NUP98: variants seen among roughly 807,000 people sequenced by gnomAD.
NUP98 encodes nucleoporin 98 and 96 precursor, also known as nuclear pore complex protein Nup98-Nup96.
In NUP98, 26 loss-of-function variants were observed where a neutral mutation model predicts 191.9. The observed-to-expected ratio is 0.14, with a 90% CI of 0.10 to 0.19. The LOEUF (loss-of-function observed/expected upper bound fraction) is 0.19. Ranked by LOEUF, NUP98 falls within the 10% of genes least tolerant of loss-of-function variation. NUP98 has a pLI of 1.00. For missense variants in NUP98, 1,941 were observed against 2,178.8 expected, an observed-to-expected ratio of 0.89 and a Z score of 2.17; for synonymous variants, 808 against 778.4, an observed-to-expected ratio of 1.04 and a Z score of -0.63.
intron 25 of NUP98, among the ~76,000 whole-genome samples, chr11:3,698,207 A>G (rs2078571218): frequency 6.6e-6 from 1 of 152,216 alleles, no homozygotes; most frequent in Non-Finnish European, 1.5e-5. Flanking sequence ...TCACCTTTGA[A>G]AAGTTCACAA....
chr11:3,683,471 C>T lies in NUP98; in HGVS notation c.4677-30G>A, dbSNP rs542618832. 378 of 1,611,262 alleles carry T rather than the reference C, an allele frequency of 2.3e-4. 6 individuals are homozygous for T. In the South Asian group the frequency reaches 4.1e-3, roughly 17 times the overall value. The stretch of plus-strand genomic sequence containing the variant: ...AGGGAGAGATAAGCTAGAATAAATC[C>T]CATCCTCATTCATGGAGAAGGCTGC... On this transcript the variant is annotated intron_variant, in intron 29 of 32. Coordinates refer to ENST00000324932, the MANE Select transcript of NUP98 (RefSeq NM_016320.5).
intron 1 of NUP98, among the ~76,000 whole-genome samples, chr11:3,785,713 C>A (rs771484586): frequency 6.6e-6 from 1 of 152,116 alleles, no homozygotes; most frequent in Non-Finnish European, 1.5e-5. Flanking sequence ...TAGTTGAGAT[C>A]GTGCCACTGC....
At chr11:3,797,251 A>G (rs1034293307) in intron 1 of NUP98, 149 bp downstream of exon 1, 16 of 396,368 alleles carry the variant, frequency 4.0e-5, no homozygotes, top group South Asian at 1.3e-4. Context: ...CCGGGTCCTC[A>G]GCACCGCCCC....
chr11:3,785,569 G>C (rs1378924594), intron 1 of NUP98, among the ~76,000 whole-genome samples: 1 of 152,120 alleles, frequency 6.6e-6, no homozygotes, highest in African/African-American at 2.4e-5. Context: ...GACCAGCTTG[G>C]CCAACATGGC....
At chr11:3,752,501 A>G (rs1360306646) in intron 11 of NUP98, among the ~76,000 whole-genome samples, 1 of 151,726 alleles carries the variant, frequency 6.6e-6, no homozygotes, top group African/African-American at 2.4e-5. Context: ...TGAACGACAG[A>G]GTGAGACTCC....
rs905310232 is a variant in NUP98, at chr11:3,683,447, G to C, written c.4677-6C>G. 6.2e-7 allele frequency: 1 copy of C among 1,613,964 alleles called. No individual in the cohort carries two copies. Among genetic ancestry groups the C allele is most frequent in the East Asian group, 2.2e-5 (1 of 44,868 alleles). On this transcript the variant is annotated splice_polypyrimidine_tract_variant and splice_region_variant and intron_variant, in intron 29 of 32. Coordinates refer to ENST00000324932, the MANE Select transcript of NUP98 (RefSeq NM_016320.5). ...GAACAGCCTTCTCACGTATGCTACA[G>C]GGAGAGATAAGCTAGAATAAATCCC...
chr11:3,679,490 G>T, intron 31 of NUP98, 64 bp downstream of exon 31: 1 of 1,563,948 alleles, frequency 6.4e-7, no homozygotes, highest in Non-Finnish European at 8.8e-7. Context: ...GCCTTGTGAG[G>T]TATCTGAAGA....
At chr11:3,722,545 G>T (rs534835088) in intron 16 of NUP98, among the ~76,000 whole-genome samples, 35 of 151,888 alleles carry the variant, frequency 2.3e-4, no homozygotes, top group Non-Finnish European at 5.0e-4. Context: ...ACCCAAAATG[G>T]GCTGGGCATG....
At chr11:3,767,096 C>T (rs1021675912) in intron 8 of NUP98, among the ~76,000 whole-genome samples, 2 of 152,082 alleles carry the variant, frequency 1.3e-5, no homozygotes, top group African/African-American at 4.8e-5. Context: ...TCCTGCGTAG[C>T]TTGGATTAGT....
At chr11:3,690,788 A>G (rs2078288457) in intron 28 of NUP98, among the ~76,000 whole-genome samples, 1 of 152,188 alleles carries the variant, frequency 6.6e-6, no homozygotes, top group African/African-American at 2.4e-5. Flanking sequence ...AAAAATAAGA[A>G]AACCTAACTG....
chr11:3,738,249 A>C (rs569134556), intron 12 of NUP98, among the ~76,000 whole-genome samples: 2 of 152,342 alleles, frequency 1.3e-5, no homozygotes, highest in East Asian at 3.9e-4. Flanking sequence ...TAGCAAAAAC[A>C]AGAAAACAAA....
At chr11:3,764,157 G>C (rs979362866) in intron 8 of NUP98, among the ~76,000 whole-genome samples, 4 of 149,610 alleles carry the variant, frequency 2.7e-5, no homozygotes, top group Middle Eastern at 3.5e-3. Context: ...TTTTTCTATG[G>C]ATTTTTTTTT....
intron 1 of NUP98, among the ~76,000 whole-genome samples, chr11:3,791,533 C>CAAAAAAAAA (rs71041395): frequency 5.7e-4 from 38 of 67,210 alleles, no homozygotes; most frequent in African/African-American, 2.2e-3. Context: ...GACCTCGTCT[C>CAAAAAAAAA]AAAAAAAAAA....
At position 3,726,873 on chromosome 11, in the gene NUP98, C is replaced by T. The variant is rs549452516; in HGVS notation, c.1731-1654G>A. Among the ~76,000 whole-genome samples the T allele has an allele frequency of 2.6e-5, 4 of 151,858 alleles. No homozygotes were observed. In the South Asian group the frequency reaches 8.3e-4, roughly 32 times the overall value. The stretch of plus-strand genomic sequence containing the variant: ...AATTCCTGGGCTCCTGTGATGCTCC[C>T]ACCTCAGCCTCCCAAATAGCTGGGA... On this transcript the variant is annotated intron_variant, in intron 14 of 32. Transcript: ENST00000324932.
In NUP98 at chr11:3,675,174, G is replaced by T. The variant is rs369161940; in HGVS notation, c.*985C>A. 5.3e-5 allele frequency: 11 copies of T among 207,534 alleles called. No homozygotes were observed. The South Asian group carries it at 2.1e-3, about 39-fold the overall frequency. 12.9% of individuals were successfully genotyped at this position (207,534 alleles called of 1,614,324 possible). A position where few individuals can be genotyped will look rare whatever the true frequency, so the allele number is the denominator to read the frequency against. ...AGGTGTGGCCATATTGCCTGAGATA[G>T]CCCTAACACCAGCTATCTCATGCCA... is the stretch of plus-strand genomic sequence containing the variant. On this transcript the variant is annotated 3_prime_UTR_variant, in exon 33 of 33. Transcript: ENST00000324932.
At chr11:3,709,836 G>A (rs1404793072) in intron 20 of NUP98, among the ~76,000 whole-genome samples, 1 of 7,380 alleles carries the variant, frequency 1.4e-4, no homozygotes, top group Non-Finnish European at 8.3e-4. Context: ...GAGGGGGGAG[G>A]GGGGAGGGTA....
intron 1 of NUP98, among the ~76,000 whole-genome samples, chr11:3,790,277 G>A (rs900884686): frequency 1.3e-5 from 2 of 152,078 alleles, no homozygotes; most frequent in African/African-American, 4.8e-5. Flanking sequence ...ATATTTTTTA[G>A]CCATGAAACC....
At chr11:3,739,246 A>G (rs1564867043) in intron 12 of NUP98, among the ~76,000 whole-genome samples, 1 of 152,164 alleles carries the variant, frequency 6.6e-6, no homozygotes, top group Non-Finnish European at 1.5e-5. Context: ...GAAAAAAATA[A>G]AATTAAAACA....
Position 3,699,075 on chromosome 11 carries a change from T to TC in NUP98, c.4009+6dup. On this transcript the variant is annotated splice_region_variant and intron_variant, in intron 25 of 32. Coordinates refer to ENST00000324932, the MANE Select transcript of NUP98 (RefSeq NM_016320.5). ...AGGCGCAGAGAAGGACCATATGCCT[T>TC]CCCCACCTGACTGCTGGGCCAGAGA... is the stretch of plus-strand genomic sequence containing the variant. 6.2e-7 allele frequency: 1 copy of TC among 1,611,990 alleles called. No homozygotes were observed. Among genetic ancestry groups the TC allele is most frequent in the Non-Finnish European group, 8.5e-7 (1 of 1,179,766 alleles).
Sources: allele counts gnomAD v4.1 joint callset (sites outside exome capture counted in the v4.1 genomes callset), GRCh38; gene constraint gnomAD v4.1.1; transcripts MANE v1.5; gene names NCBI Gene and HGNC (gene_info 2026-07-23, HGNC 2026-07-21).